ACTR3C: variants seen among roughly 807,000 people sequenced by gnomAD.
ACTR3C encodes the protein actin related protein 3C, also known as actin-related protein 3C.
Under a neutral mutation model 26.3 loss-of-function variants are expected in ACTR3C, and 18 were observed. The ratio of observed to expected loss-of-function variants is 0.68; its 90% CI spans 0.47 to 1.01. ACTR3C has a LOEUF of 1.01. Among genes scored for constraint, ACTR3C ranks in the 50% least tolerant of loss-of-function variants. The probability of loss-of-function intolerance (pLI) is 0.00; values close to 1 mark genes in which losing one functional copy is unlikely to be tolerated. For missense variants in ACTR3C, 184 were observed against 250.7 expected (o/e 0.73, Z 1.80); for synonymous variants, 55 against 94.5 (o/e 0.58, Z 2.42).
chr7:150,042,958 C>T, the ACTR3C span, among the ~76,000 whole-genome samples: 285 of 151,080 alleles, frequency 1.9e-3, 5 homozygotes, highest in African/African-American at 6.7e-3. Context: ...TGTCGGGATC[C>T]CCATTTCAAA....
chr7:150,006,851 T>C, the ACTR3C span, among the ~76,000 whole-genome samples: 10 of 152,352 alleles, frequency 6.6e-5, no homozygotes, highest in East Asian at 1.9e-3. Context: ...TGGATGGGAA[T>C]ACAAACCTTA....
chr7:150,040,666 C>T, the ACTR3C span: 1 of 146,050 alleles, frequency 6.8e-6, no homozygotes, highest in Non-Finnish European at 1.5e-5. Context: ...TACCTGCCGT[C>T]GGAAGATTTG....
the ACTR3C span, among the ~76,000 whole-genome samples, chr7:149,915,828 T>C: frequency 6.6e-6 from 1 of 150,436 alleles, no homozygotes; most frequent in Admixed American, 6.6e-5. Context: ...CACACAAAAA[T>C]GTTCGGTGAA....
At chr7:150,311,882 T>C (rs7781981) in intron 1 of ACTR3C, among the ~76,000 whole-genome samples, 3,985 of 152,252 alleles carry the variant, frequency 0.026, 188 homozygotes, top group African/African-American at 0.091. Context: ...ACATTAACAT[T>C]TACACTGACT....
chr7:150,241,495 CA>C (rs1261409705), downstream of ACTR3C, among the ~76,000 whole-genome samples: 1 of 152,150 alleles, frequency 6.6e-6, no homozygotes, highest in Non-Finnish European at 1.5e-5. Flanking sequence ...TAAAATAGAT[CA>C]TATACAAAAT....
intron 6 of ACTR3C, among the ~76,000 whole-genome samples, chr7:150,265,153 G>A (rs902316489): frequency 2.0e-5 from 3 of 152,046 alleles, no homozygotes; most frequent in African/African-American, 7.3e-5. Flanking sequence ...GAAAGAATTT[G>A]TAACAGAAGA....
chr7:150,260,376 G>A (rs1040764713), intron 6 of ACTR3C, among the ~76,000 whole-genome samples: 3 of 151,980 alleles, frequency 2.0e-5, no homozygotes, highest in Admixed American at 6.5e-5. Flanking sequence ...CTAGAAATTC[G>A]TAGAGTAAAA....
chr7:149,955,476 TCAG>T, the ACTR3C span, among the ~76,000 whole-genome samples: 1 of 152,168 alleles, frequency 6.6e-6, no homozygotes, highest in Admixed American at 6.5e-5. Context: ...CCTGATGTTT[TCAG>T]CAGCTCAGAA....
the ACTR3C span, among the ~76,000 whole-genome samples, chr7:150,148,153 TAAAAAAAAAAA>T: frequency 8.7e-6 from 1 of 115,308 alleles, no homozygotes; most frequent in African/African-American, 3.5e-5. Flanking sequence ...GCTTAAAAGT[TAAAAAAAAAAA>T]GAAAAGAAAA....
chr7:150,239,819 C>T (rs1832084878), downstream of ACTR3C, among the ~76,000 whole-genome samples: 1 of 151,390 alleles, frequency 6.6e-6, no homozygotes, highest in African/African-American at 2.4e-5. Context: ...TGGTGTGATC[C>T]CAGCTCAATG....
At chr7:149,959,228 C>G in the ACTR3C span, among the ~76,000 whole-genome samples, 1 of 70,412 alleles carries the variant, frequency 1.4e-5, no homozygotes, top group African/African-American at 6.9e-5. Flanking sequence ...GCTCGCCCCC[C>G]ACCCCCACAA....
At chr7:150,019,508 C>T in the ACTR3C span, among the ~76,000 whole-genome samples, 1 of 140,042 alleles carries the variant, frequency 7.1e-6, no homozygotes, top group Non-Finnish European at 1.5e-5. Flanking sequence ...AGGAGAATTG[C>T]TTGAACCCGG....
At chr7:150,289,329 C>T (rs572123137) in intron 4 of ACTR3C, 121 bp downstream of exon 4, 48 of 1,413,432 alleles carry the variant, frequency 3.4e-5, no homozygotes, top group Non-Finnish European at 4.3e-5. Flanking sequence ...CAAATCAAGC[C>T]CCACACTCAT....
At chr7:150,034,995 T>A in the ACTR3C span, among the ~76,000 whole-genome samples, 3 of 142,318 alleles carry the variant, frequency 2.1e-5, no homozygotes, top group African/African-American at 5.2e-5. Flanking sequence ...CTCCCCCTCC[T>A]GTGATGGGGG....
In ACTR3C at chr7:150,262,703, AT is replaced by A; in HGVS notation, c.565-13650del. Among the ~76,000 whole-genome samples the A allele has an allele frequency of 2.6e-5, 4 of 152,360 alleles. 1 individual carries two copies. In the Middle Eastern group the frequency reaches 0.014, roughly 518 times the overall value. On this transcript the variant is annotated intron_variant, in intron 6 of 7. Coordinates refer to ENST00000683684, the MANE Select transcript of ACTR3C (RefSeq NM_001164458.2). ...TAAAATAGATGTCCCCTAGGTTTCCATCTACATCTAACATTTTATGATTCTA... is the reference window on the plus strand; with the variant it reads ...TAAAATAGATGTCCCCTAGGTTTCCACTACATCTAACATTTTATGATTCTA...
At chr7:150,048,606 G>A in the ACTR3C span, among the ~76,000 whole-genome samples, 5 of 151,724 alleles carry the variant, frequency 3.3e-5, no homozygotes, top group Non-Finnish European at 7.4e-5. Context: ...CAGGCAGGCC[G>A]GCCAGGGGGC....
intron 1 of ACTR3C, among the ~76,000 whole-genome samples, chr7:150,306,148 A>G (rs2531004): frequency 5.1e-4 from 78 of 152,356 alleles, no homozygotes; most frequent in African/African-American, 1.6e-3. Flanking sequence ...CATTGCAGGT[A>G]CCCATTTTTA....
At chr7:150,039,411 CTCTCAGT>C in the ACTR3C span, among the ~76,000 whole-genome samples, 1 of 50,584 alleles carries the variant, frequency 2.0e-5, no homozygotes, top group Non-Finnish European at 4.5e-5. Context: ...GAGGGACTGG[CTCTCAGT>C]CCCTGCCTCG....
At chr7:149,991,585 C>G in the ACTR3C span, among the ~76,000 whole-genome samples, 2 of 152,206 alleles carry the variant, frequency 1.3e-5, no homozygotes, top group Non-Finnish European at 2.9e-5. Flanking sequence ...GGCCATCCCT[C>G]TCCTCATTAA....
Sources: gnomAD v4.1 joint callset for allele counts (sites outside exome capture counted in the v4.1 genomes callset) on GRCh38, gnomAD v4.1.1 for gene constraint, MANE v1.5 for transcripts, NCBI Gene and HGNC (gene_info 2026-07-23, HGNC 2026-07-21) for gene names.